The following MTBP variants were observed in gnomAD, a reference collection of about 807,000 sequenced individuals.
The protein encoded by MTBP is MDM2 binding protein, also known as mdm2-binding protein.
In MTBP, 101 loss-of-function variants were observed where a neutral mutation model predicts 117.0. That is an observed-to-expected ratio of 0.86 (90% CI 0.73 to 1.02). The LOEUF (loss-of-function observed/expected upper bound fraction) is 1.02. MTBP is among the 50% of genes least tolerant of loss of function. MTBP has a pLI of 0.00. For missense variants in MTBP, 970 were observed against 1,030.9 expected, an observed-to-expected ratio of 0.94 and a Z score of 0.81; for synonymous variants, 350 against 351.5, an observed-to-expected ratio of 1.00 and a Z score of 0.05.
chr8:120,514,204 CTT>C (rs1367702687), intron 17 of MTBP, among the ~76,000 whole-genome samples: 1 of 151,904 alleles, frequency 6.6e-6, no homozygotes, highest in African/African-American at 2.4e-5. Flanking sequence ...ATAGTTACCT[CTT>C]GTTTTGTGTG....
chr8:120,448,437 T>C (rs913862789), intron 2 of MTBP, among the ~76,000 whole-genome samples: 3 of 152,218 alleles, frequency 2.0e-5, no homozygotes, highest in African/African-American at 7.2e-5. Flanking sequence ...TCTCTCTCTT[T>C]TTAAAAAATT....
chr8:120,465,319 A>G (rs1337545879), intron 10 of MTBP, among the ~76,000 whole-genome samples: 1 of 152,212 alleles, frequency 6.6e-6, no homozygotes, highest in Non-Finnish European at 1.5e-5. Flanking sequence ...GTTTTTTAGA[A>G]AACTTGACTT....
At chr8:120,482,713 T>A (rs1189374801) in intron 11 of MTBP, among the ~76,000 whole-genome samples, 2 of 152,028 alleles carry the variant, frequency 1.3e-5, no homozygotes, top group Non-Finnish European at 2.9e-5. Context: ...TTTCTTTCTT[T>A]TTTTGAGACG....
At chr8:120,481,995 T>G (rs1302226395) in intron 11 of MTBP, among the ~76,000 whole-genome samples, 2 of 152,212 alleles carry the variant, frequency 1.3e-5, no homozygotes, top group Non-Finnish European at 2.9e-5. Flanking sequence ...TGCAGAGTTT[T>G]GTTTCTCTCT....
In MTBP at chr8:120,502,549, G is replaced by A; in HGVS notation, c.1667G>A (p.Trp556Ter). Reference sequence around the variant, plus strand: ...CTAATGGAAACCAATCCTCTGGAATGGCCAGAAAGGCATGTTCTTCAAAAT... The same window carrying A: ...CTAATGGAAACCAATCCTCTGGAATAGCCAGAAAGGCATGTTCTTCAAAAT... The part of the protein sequence containing the change: ...SSLMETNPLE[W>*]PERHVLQNLE... The change falls in exon 15 of 22, where the codon TGG becomes TAG. Residue 556 changes from tryptophan (W) to a stop codon, truncating the protein, a stop_gained. Coordinates refer to ENST00000305949, the MANE Select transcript of MTBP (RefSeq NM_022045.5). LOFTEE classifies it high-confidence loss of function. The A allele has an allele frequency of 6.2e-7, 1 of 1,604,598 alleles. No individual in the cohort carries two copies. The highest frequency in any genetic ancestry group is 8.5e-7 in the Non-Finnish European group (1 of 1,176,274).
intron 7 of MTBP, among the ~76,000 whole-genome samples, chr8:120,457,869 C>T (rs566810020): frequency 4.0e-5 from 6 of 151,354 alleles, no homozygotes; most frequent in Non-Finnish European, 2.9e-5. Context: ...TGGTGTGAAC[C>T]CGGGAGGCGG....
At chr8:120,450,528 C>A (rs1003409436) in intron 2 of MTBP, among the ~76,000 whole-genome samples, 7 of 152,144 alleles carry the variant, frequency 4.6e-5, no homozygotes, top group African/African-American at 1.7e-4. Flanking sequence ...ATATAATACT[C>A]CATTCTCCAA....
intron 11 of MTBP, among the ~76,000 whole-genome samples, chr8:120,485,438 A>T (rs552586863): frequency 1.0e-3 from 154 of 152,108 alleles, no homozygotes; most frequent in African/African-American, 3.7e-3. Context: ...TTTTAAGTTT[A>T]TTGTACTTTT....
chr8:120,492,898 T>A (rs1458060625), intron 13 of MTBP, among the ~76,000 whole-genome samples: 1 of 152,194 alleles, frequency 6.6e-6, no homozygotes, highest in Non-Finnish European at 1.5e-5. Flanking sequence ...TTTATGACTT[T>A]TTGTATTTGG....
intron 9 of MTBP, among the ~76,000 whole-genome samples, chr8:120,462,745 G>A (rs548055189): frequency 1.4e-4 from 22 of 152,076 alleles, no homozygotes; most frequent in Non-Finnish European, 2.2e-4. Flanking sequence ...ATCTTCCAAG[G>A]AAAGTCGAGG....
At chr8:120,498,674 C>T (rs1021805948) in intron 14 of MTBP, among the ~76,000 whole-genome samples, 1 of 152,078 alleles carries the variant, frequency 6.6e-6, no homozygotes, top group Non-Finnish European at 1.5e-5. Flanking sequence ...GAGGAGAGAA[C>T]TACAAGTAGG....
chr8:120,517,224 A>T (rs935705749), intron 18 of MTBP, among the ~76,000 whole-genome samples: 1 of 152,010 alleles, frequency 6.6e-6, no homozygotes, highest in African/African-American at 2.4e-5. Flanking sequence ...GTTTATTTGT[A>T]TTTGTTTTAA....
At chr8:120,453,792 T>G in intron 4 of MTBP, 55 bp from the exon 5 acceptor site, 1 of 810,052 alleles carries the variant, frequency 1.2e-6, no homozygotes, top group Non-Finnish European at 1.9e-6. Context: ...CTATTATGAT[T>G]ATATATAAAT....
At chr8:120,509,456 G>A (rs770817129) in intron 16 of MTBP, among the ~76,000 whole-genome samples, 9 of 152,048 alleles carry the variant, frequency 5.9e-5, no homozygotes, top group Admixed American at 2.0e-4. Flanking sequence ...ACAAAAATTA[G>A]TTGGACATGG....
chr8:120,496,789 C>T (rs900718190), intron 13 of MTBP, among the ~76,000 whole-genome samples: 1 of 151,918 alleles, frequency 6.6e-6, no homozygotes, highest in African/African-American at 2.4e-5. Context: ...ACCTGCAGTT[C>T]TGACTTCTTG....
At chr8:120,466,042 A>C (rs995269126) in intron 10 of MTBP, among the ~76,000 whole-genome samples, 70 of 152,256 alleles carry the variant, frequency 4.6e-4, no homozygotes, top group African/African-American at 1.6e-3. Context: ...ATTGTAAAAT[A>C]TTACAACATA....
chr8:120,458,484 A>G (rs1342129340), intron 7 of MTBP, among the ~76,000 whole-genome samples: 1 of 152,130 alleles, frequency 6.6e-6, no homozygotes, highest in Admixed American at 6.5e-5. Flanking sequence ...GCAGCAATTG[A>G]TCTTATCAGC....
intron 15 of MTBP, among the ~76,000 whole-genome samples, chr8:120,504,200 A>G (rs191255976): frequency 2.6e-5 from 4 of 152,284 alleles, no homozygotes; most frequent in Non-Finnish European, 4.4e-5. Flanking sequence ...GGAGAAGACA[A>G]GAAAGAAGAG....
At chr8:120,478,389 TAAAGTA>T (rs1195639950) in intron 11 of MTBP, among the ~76,000 whole-genome samples, 3 of 151,990 alleles carry the variant, frequency 2.0e-5, no homozygotes, top group Non-Finnish European at 4.4e-5. Flanking sequence ...TCCCAGAACT[TAAAGTA>T]TAATAAAGAA....
Sources: allele counts gnomAD v4.1 joint callset (sites outside exome capture counted in the v4.1 genomes callset), GRCh38; gene constraint gnomAD v4.1.1; transcripts MANE v1.5; gene names NCBI Gene and HGNC (gene_info 2026-07-23, HGNC 2026-07-21).